The following GABRA1 variants were observed in gnomAD, a reference collection of about 807,000 sequenced individuals.
GABRA1 encodes the protein gamma-aminobutyric acid receptor subunit alpha-1.
Under a neutral mutation model 48.9 loss-of-function variants are expected in GABRA1, and 9 were observed. The ratio of observed to expected loss-of-function variants is 0.18; its 90% CI spans 0.11 to 0.32. GABRA1 has a LOEUF of 0.32. Among genes scored for constraint, GABRA1 ranks in the 10% least tolerant of loss-of-function variants. The pLI, the probability that GABRA1 is intolerant of heterozygous loss-of-function variation, is 1.00. For synonymous variants in GABRA1, 210 were observed against 198.7 expected (o/e 1.06, Z -0.48); for missense variants, 285 against 553.8 (o/e 0.51, Z 4.87).
intron 3 of GABRA1, among the ~76,000 whole-genome samples, chr5:161,855,000 A>C (rs2113310426): frequency 6.6e-6 from 1 of 151,664 alleles, no homozygotes; most frequent in East Asian, 1.9e-4. Context: ...ATGAAGCCAA[A>C]TCAAAATATT....
chr5:161,859,866 T>C (rs1022711611), intron 3 of GABRA1, among the ~76,000 whole-genome samples: 3 of 151,862 alleles, frequency 2.0e-5, no homozygotes, highest in African/African-American at 7.2e-5. Context: ...GTTTATCCAA[T>C]CTCTTGTTGT....
chr5:161,850,579 G>C, intron 1 of GABRA1: 1 of 593,722 alleles, frequency 1.7e-6, no homozygotes, highest in East Asian at 2.8e-5. Flanking sequence ...TCTTTTACAG[G>C]AGAATAAGGA....
chr5:161,894,993 A>G (rs1485388986), intron 8 of GABRA1, among the ~76,000 whole-genome samples: 1 of 152,032 alleles, frequency 6.6e-6, no homozygotes, highest in Non-Finnish European at 1.5e-5. Context: ...TGTATTCTCT[A>G]GCAAGTTACA....
intron 5 of GABRA1, among the ~76,000 whole-genome samples, 178 bp downstream of exon 5, chr5:161,873,515 TTTATGCAAATGTTTA>T (rs1754215239): frequency 1.3e-5 from 2 of 152,322 alleles, no homozygotes; most frequent in African/African-American, 2.4e-5. Flanking sequence ...TGAAGTATTA[TTTATGCAAATGTTTA>T]TTTGCTTACA....
intron 3 of GABRA1, among the ~76,000 whole-genome samples, chr5:161,862,763 GA>G (rs1334942689): frequency 6.6e-6 from 1 of 151,890 alleles, no homozygotes; most frequent in Non-Finnish European, 1.5e-5. Context: ...GTACGCAATA[GA>G]TGCCTCTCAA....
In GABRA1 at chr5:161,873,343, G is replaced by A. The variant is rs764873956; in HGVS notation, c.476+6G>A. On this transcript the variant is annotated splice_donor_region_variant and intron_variant, in intron 5 of 9. Transcript: ENST00000393943. ...ACCTTGCTGTACACCATGAGGTAAG[G>A]ATGGCTGCACTGCCATTCATGAATG... The A allele has an allele frequency of 3.7e-6, 6 of 1,605,620 alleles. No individual in the cohort carries two copies. In the South Asian group the frequency reaches 5.5e-5, roughly 15 times the overall value.
rs185716497 is a variant in GABRA1, at chr5:161,865,916, G to A, written c.255+128G>A. The A allele has an allele frequency of 1.3e-4, 96 of 720,080 alleles. No homozygotes were observed. The African/African-American group carries it at 1.4e-3, about 11-fold the overall frequency. The allele number at this position is 720,080 out of a possible 1,614,324, so 44.6% of individuals were successfully genotyped here. A position where few individuals can be genotyped will look rare whatever the true frequency, so the allele number is the denominator to read the frequency against. On this transcript the variant is annotated intron_variant, in intron 4 of 9. Transcript: ENST00000393943. ...TGGCTATACTTTTGTGTCTTTCTGT[G>A]TGTAATATGTAATATGTAATATAAT...
chr5:161,889,166 T>A (rs1055519583), intron 7 of GABRA1, among the ~76,000 whole-genome samples: 1 of 152,056 alleles, frequency 6.6e-6, no homozygotes, highest in African/African-American at 2.4e-5. Flanking sequence ...AGTGCGTAGA[T>A]AATTTCCTGC....
At chr5:161,892,830 C>A (rs184409942) in intron 8 of GABRA1, among the ~76,000 whole-genome samples, 1 of 151,902 alleles carries the variant, frequency 6.6e-6, no homozygotes, top group African/African-American at 2.4e-5. Context: ...TGGTGAAACC[C>A]CGTCTCTACT....
chr5:161,879,745 T>G (rs960661221), intron 6 of GABRA1, among the ~76,000 whole-genome samples: 1 of 152,310 alleles, frequency 6.6e-6, no homozygotes, highest in African/African-American at 2.4e-5. Flanking sequence ...AATGATGTCA[T>G]GTTTGTAGTA....
chr5:161,883,880 ATT>A (rs369516921), intron 7 of GABRA1, among the ~76,000 whole-genome samples: 5 of 149,678 alleles, frequency 3.3e-5, no homozygotes, highest in African/African-American at 9.8e-5. Context: ...TATGTGTTTT[ATT>A]TTTTTTTTAA....
chr5:161,882,872 T>C (rs529661362), intron 7 of GABRA1, among the ~76,000 whole-genome samples, 171 bp downstream of exon 7: 1 of 152,180 alleles, frequency 6.6e-6, no homozygotes, highest in African/African-American at 2.4e-5. Context: ...ACCTTGGACA[T>C]GTCATTTAAT....
chr5:161,890,046 T>TAACCC (rs1208623182), intron 7 of GABRA1, among the ~76,000 whole-genome samples: 8 of 152,038 alleles, frequency 5.3e-5, no homozygotes, highest in Non-Finnish European at 1.0e-4. Context: ...CCTAAGATTT[T>TAACCC]TAACTGAGAA....
At chr5:161,852,708 T>C (rs1757498340) in intron 2 of GABRA1, among the ~76,000 whole-genome samples, 1 of 151,980 alleles carries the variant, frequency 6.6e-6, no homozygotes, top group Non-Finnish European at 1.5e-5. Context: ...ATGGCATCAA[T>C]GTTGAAATTA....
At chr5:161,879,350 G>T (rs1267458242) in intron 6 of GABRA1, among the ~76,000 whole-genome samples, 1 of 152,152 alleles carries the variant, frequency 6.6e-6, no homozygotes, top group Admixed American at 6.6e-5. Flanking sequence ...GGGCTCTATA[G>T]ATCTGCCCAT....
chr5:161,853,258 T>A (rs998139807), intron 2 of GABRA1, among the ~76,000 whole-genome samples: 2 of 151,792 alleles, frequency 1.3e-5, no homozygotes, highest in East Asian at 3.9e-4. Flanking sequence ...GGTCACTATG[T>A]GGTCGAAACA....
chr5:161,890,003 A>C (rs1755018900), intron 7 of GABRA1, among the ~76,000 whole-genome samples: 1 of 152,018 alleles, frequency 6.6e-6, no homozygotes, highest in Admixed American at 6.6e-5. Context: ...GCCTATATTA[A>C]CCCTATATTT....
intron 7 of GABRA1, among the ~76,000 whole-genome samples, chr5:161,889,574 A>G (rs1009461221): frequency 2.6e-5 from 4 of 152,104 alleles, no homozygotes; most frequent in African/African-American, 4.8e-5. Context: ...AGATAGGTAG[A>G]GTTTTGTAGG....
At chr5:161,886,681 T>TGGG (rs1561582250) in intron 7 of GABRA1, among the ~76,000 whole-genome samples, 1 of 151,960 alleles carries the variant, frequency 6.6e-6, no homozygotes, top group African/African-American at 2.4e-5. Flanking sequence ...GAGGCCAAGA[T>TGGG]GGGAGGATCA....
Sources: gnomAD v4.1 joint callset for allele counts (sites outside exome capture counted in the v4.1 genomes callset) on GRCh38, gnomAD v4.1.1 for gene constraint, MANE v1.5 for transcripts, NCBI Gene and HGNC (gene_info 2026-07-23, HGNC 2026-07-21) for gene names.